The following SERF2 variants were observed in gnomAD, a reference collection of about 807,000 sequenced individuals.
SERF2 encodes small EDRK-rich factor 2.
In SERF2, 4 loss-of-function variants were observed where a neutral mutation model predicts 10.7. That is an observed-to-expected ratio of 0.37 (90% CI 0.18 to 0.86). The LOEUF (loss-of-function observed/expected upper bound fraction) is 0.86. SERF2 is among the 40% of genes least tolerant of loss of function. The pLI, the probability that SERF2 is intolerant of heterozygous loss-of-function variation, is 0.43. For missense variants in SERF2, 47 were observed against 79.1 expected, an observed-to-expected ratio of 0.59 and a Z score of 1.54; for synonymous variants, 26 against 26.0, an observed-to-expected ratio of 1.00 and a Z score of 0.01.
intron 2 of SERF2, 88 bp downstream of exon 2, chr15:43,793,171 G>C (rs762691289): frequency 2.5e-6 from 2 of 798,100 alleles, no homozygotes; most frequent in Non-Finnish European, 4.3e-6. Flanking sequence ...CTCAGGGCTT[G>C]AATGTGGACT....
chr15:43,793,476 C>A, intron 2 of SERF2: 1 of 1,212,822 alleles, frequency 8.2e-7, no homozygotes, highest in Non-Finnish European at 1.1e-6. Context: ...AGAATAGAGA[C>A]CCTTGGGCCT....
chr15:43,781,884 ACTT>A (rs200050476), intron 1 of SERF2, among the ~76,000 whole-genome samples: 6,904 of 89,442 alleles, frequency 0.077, 392 homozygotes, highest in East Asian at 0.23. Context: ...ACCTGGTCCT[ACTT>A]CTTCTTCTTT....
In SERF2 at chr15:43,793,785, CGT is replaced by C. The variant is rs776224437; in HGVS notation, c.*15_*16del. 6.2e-7 allele frequency: 1 copy of C among 1,614,212 alleles called. No homozygotes were observed. Among genetic ancestry groups the C allele is most frequent in the Admixed American group, 1.7e-5 (1 of 60,016 alleles). ...AGGAACCCAAGTAGCTTTGTGGCTTCGTGTCCAACCCTCTTGCCCTTCGCCTG... is the reference window on the plus strand; with the variant it reads ...AGGAACCCAAGTAGCTTTGTGGCTTCGTCCAACCCTCTTGCCCTTCGCCTG... On this transcript the variant is annotated 3_prime_UTR_variant, in exon 3 of 3. Coordinates refer to ENST00000249786, the MANE Select transcript of SERF2 (RefSeq NM_001018108.4).
upstream of SERF2, among the ~76,000 whole-genome samples, chr15:43,790,242 G>A (rs995348097): frequency 6.6e-6 from 1 of 151,884 alleles, no homozygotes; most frequent in African/African-American, 2.4e-5. Context: ...ACAAGATGGT[G>A]GAGGTTGCAG....
In SERF2 at chr15:43,784,678, G is replaced by C. The variant is rs995501667; in HGVS notation, c.-526-732G>C. Among the ~76,000 whole-genome samples the C allele has an allele frequency of 1.5e-4, 22 of 151,552 alleles. 1 individual carries two copies. The highest frequency in any genetic ancestry group is 1.4e-3 in the Admixed American group (22 of 15,200). On this transcript the variant is annotated intron_variant, in intron 1 of 4. Coordinates refer to the SERF2 transcript ENST00000381359. Reference sequence around the variant, plus strand: ...AGAGACAGGGTTTCACCATGGTCTCGATCTCCTGACCTCGTGATCCGCCTG... The same window carrying C: ...AGAGACAGGGTTTCACCATGGTCTCCATCTCCTGACCTCGTGATCCGCCTG...
At chr15:43,792,684 G>A in intron 1 of SERF2, 2 of 1,226,382 alleles carry the variant, frequency 1.6e-6, no homozygotes, top group Non-Finnish European at 2.2e-6. Context: ...CCCCCACGGA[G>A]ACCCAAACCG....
At chr15:43,791,336 G>C (rs2087058579), upstream of SERF2, among the ~76,000 whole-genome samples, 1 of 151,882 alleles carries the variant, frequency 6.6e-6, no homozygotes, top group Admixed American at 6.6e-5. Context: ...CCGCCTCCCG[G>C]GTTCAAGCGA....
upstream of SERF2, among the ~76,000 whole-genome samples, chr15:43,790,904 C>T (rs1484216091): frequency 1.3e-5 from 2 of 150,754 alleles, no homozygotes; most frequent in Non-Finnish European, 3.0e-5. Flanking sequence ...GCTGGGACTA[C>T]AGGCGCCTGC....
upstream of SERF2, among the ~76,000 whole-genome samples, chr15:43,787,598 A>C (rs1038842103): frequency 1.4e-4 from 22 of 151,752 alleles, no homozygotes; most frequent in Non-Finnish European, 2.1e-4. Flanking sequence ...GGGTTTTACC[A>C]TGTTGGTCAG....
chr15:43,789,254 T>A (rs538887388), upstream of SERF2, among the ~76,000 whole-genome samples: 1 of 152,042 alleles, frequency 6.6e-6, no homozygotes, highest in Non-Finnish European at 1.5e-5. Context: ...GTCACAACCC[T>A]ACCTCCCTAT....
chr15:43,791,991 A>T, upstream of SERF2: 3 of 341,474 alleles, frequency 8.8e-6, no homozygotes, highest in Middle Eastern at 9.8e-4. Context: ...CTTTGTCAGT[A>T]CCCCAAACTG....
Position 43,796,002 on chromosome 15 carries a change from G to A in SERF2, c.*2229G>A. ...TTAAATTAAATGAGATTATGTAAAA[G>A]TATCTAGCACAGTTGCCTAGCACAT... On this transcript the variant is annotated 3_prime_UTR_variant, in exon 3 of 3. Coordinates refer to ENST00000249786, the MANE Select transcript of SERF2 (RefSeq NM_001018108.4). 1.5e-6 allele frequency: 1 copy of A among 677,418 alleles called. No homozygotes were observed. The highest frequency in any genetic ancestry group is 2.6e-6 in the Non-Finnish European group (1 of 381,832). 42.0% of individuals were successfully genotyped at this position (677,418 alleles called of 1,614,324 possible). A position where few individuals can be genotyped will look rare whatever the true frequency, so the allele number is the denominator to read the frequency against.
Position 43,796,022 on chromosome 15 carries a change from G to T in SERF2, c.*2249G>T. On this transcript the variant is annotated 3_prime_UTR_variant, in exon 3 of 3. Transcript: ENST00000249786. ...TAAAAGTATCTAGCACAGTTGCCTA[G>T]CACATTGTGGGTACTCAATAAAAGG... 1 of 731,972 alleles carries T rather than the reference G, an allele frequency of 1.4e-6. No homozygotes were observed. Among genetic ancestry groups the T allele is most frequent in the Non-Finnish European group, 2.4e-6 (1 of 415,376 alleles). 45.3% of individuals were successfully genotyped at this position (731,972 alleles called of 1,614,324 possible). A position where few individuals can be genotyped will look rare whatever the true frequency, so the allele number is the denominator to read the frequency against.
chr15:43,793,786 G>C lies in SERF2; in HGVS notation c.*13G>C. ...GGAACCCAAGTAGCTTTGTGGCTTC[G>C]TGTCCAACCCTCTTGCCCTTCGCCT... On this transcript the variant is annotated 3_prime_UTR_variant, in exon 3 of 3. Coordinates refer to ENST00000249786, the MANE Select transcript of SERF2 (RefSeq NM_001018108.4). 1 of 1,614,192 alleles carries C rather than the reference G, an allele frequency of 6.2e-7. No homozygotes were observed. Among genetic ancestry groups the C allele is most frequent in the Non-Finnish European group, 8.5e-7 (1 of 1,180,026 alleles).
At chr15:43,790,366 TAG>T (rs995772191), upstream of SERF2, among the ~76,000 whole-genome samples, 5 of 151,440 alleles carry the variant, frequency 3.3e-5, no homozygotes, top group African/African-American at 7.3e-5. Context: ...ATATGGATAT[TAG>T]AGAGAGAGAG....
rs774105823 is a variant in SERF2, at chr15:43,792,969, C to G, written c.8-6C>G. ...CCGCGTCTCACCTTTAATTTTCTTT[C>G]CTTAGGCGGTAACCAGCGTGAGCTC... is the stretch of plus-strand genomic sequence containing the variant. On this transcript the variant is annotated splice_region_variant and splice_polypyrimidine_tract_variant and intron_variant, in intron 1 of 2. Transcript: ENST00000249786. 34 of 1,598,644 alleles carry G rather than the reference C, an allele frequency of 2.1e-5. No individual in the cohort carries two copies. In the South Asian group the frequency reaches 3.6e-4, roughly 17 times the overall value.
At chr15:43,780,435 C>A (rs1173482549) in intron 1 of SERF2, among the ~76,000 whole-genome samples, 1 of 152,208 alleles carries the variant, frequency 6.6e-6, no homozygotes, top group Non-Finnish European at 1.5e-5. Context: ...AGCCACCGCG[C>A]CCTGCGATCT....
intron 1 of SERF2, 101 bp downstream of exon 1, chr15:43,792,484 G>A (rs113724618): frequency 6.3e-7 from 1 of 1,599,886 alleles, no homozygotes; most frequent in Non-Finnish European, 8.5e-7. Context: ...CCCTAGCAAG[G>A]CGTTTCTCTG....
rs531821428 is a variant in SERF2, at chr15:43,795,129, G to C, written c.*1356G>C. The C allele has an allele frequency of 2.5e-6, 4 of 1,614,062 alleles. No individual in the cohort carries two copies. Among genetic ancestry groups the C allele is most frequent in the Admixed American group, 1.7e-5 (1 of 60,030 alleles). ...GTAACAGCCCCAGATAGAGGAGTAC[G>C]CAGGCCCAGCATGAGGCAACCTTGA... On this transcript the variant is annotated 3_prime_UTR_variant, in exon 3 of 3. Coordinates refer to ENST00000249786, the MANE Select transcript of SERF2 (RefSeq NM_001018108.4).
Sources: allele counts gnomAD v4.1 joint callset (sites outside exome capture counted in the v4.1 genomes callset), GRCh38; gene constraint gnomAD v4.1.1; transcripts MANE v1.5; gene names NCBI Gene and HGNC (gene_info 2026-07-23, HGNC 2026-07-21).